The following KCNQ1 variants were observed in gnomAD, a reference collection of about 807,000 sequenced individuals.
KCNQ1 encodes potassium voltage-gated channel subfamily KQT member 1.
KCNQ1 carries 49 observed loss-of-function variants against 72.4 expected under a neutral mutation model. That is an observed-to-expected ratio of 0.68 (90% CI 0.54 to 0.86). The LOEUF (loss-of-function observed/expected upper bound fraction) is 0.86, where lower values mean the gene tolerates loss of function less well. KCNQ1 is among the 40% of genes least tolerant of loss of function. The pLI is 0.00. For missense variants in KCNQ1, 790 were observed against 945.1 expected (o/e 0.84, Z 2.15); for synonymous variants, 450 against 412.6 (o/e 1.09, Z -1.10).
intron 15 of KCNQ1, among the ~76,000 whole-genome samples, chr11:2,825,494 C>T (rs1847820225): frequency 6.6e-6 from 1 of 152,178 alleles, no homozygotes; most frequent in Admixed American, 6.5e-5. Flanking sequence ...GTCGTCCAGC[C>T]CTTGCTGCCA....
chr11:2,508,178 G>C lies in KCNQ1; in HGVS notation c.387-19750G>C, dbSNP rs1284634058. ...CCAGGGATGCTGCTGCTGAAGGTGA[G>C]GTTTGCAAACACTAGGCATGCATGT... On this transcript the variant is annotated intron_variant, in intron 1 of 15. Coordinates refer to ENST00000155840, the MANE Select transcript of KCNQ1 (RefSeq NM_000218.3). This position sits in a 1 kb window ranked among gnomAD's most constrained non-coding sequence, Gnocchi z 6.2. Among the ~76,000 whole-genome samples, 2 of 152,192 alleles carry C rather than the reference G, an allele frequency of 1.3e-5. No individual in the cohort carries two copies. The highest frequency in any genetic ancestry group is 3.9e-4 in the East Asian group (2 of 5,194).
At chr11:2,662,746 T>C in intron 11 of KCNQ1, 1 of 399,726 alleles carries the variant, frequency 2.5e-6, no homozygotes, top group Non-Finnish European at 4.4e-6. Flanking sequence ...CACAGTCCCA[T>C]TCTGGCTGCT....
At chr11:2,740,273 C>T (rs1428959869) in intron 11 of KCNQ1, among the ~76,000 whole-genome samples, 1 of 152,202 alleles carries the variant, frequency 6.6e-6, no homozygotes, top group African/African-American at 2.4e-5. Flanking sequence ...GGGCAACTAA[C>T]AAATTCAGCA....
chr11:2,688,440 G>A, intron 11 of KCNQ1: 1 of 398,780 alleles, frequency 2.5e-6, no homozygotes, highest in Non-Finnish European at 4.4e-6. Context: ...CCCTGCCTGT[G>A]CCATCACTAT....
rs1485412467 is a variant in KCNQ1, at chr11:2,536,072, G to A, written c.477+8054G>A. Among the ~76,000 whole-genome samples the A allele has an allele frequency of 6.6e-6, 1 of 152,186 alleles. No individual in the cohort carries two copies. ...GCCACATGCTCTGCCGAGCACACCCGCTGCTGTCCCCAGCCACCCAGCCCC... is the reference window on the plus strand; with the variant it reads ...GCCACATGCTCTGCCGAGCACACCCACTGCTGTCCCCAGCCACCCAGCCCC... On this transcript the variant is annotated intron_variant, in intron 2 of 15. Transcript: ENST00000155840. This position sits in a 1 kb window ranked among gnomAD's most constrained non-coding sequence, Gnocchi z 7.4.
intron 11 of KCNQ1, among the ~76,000 whole-genome samples, chr11:2,754,161 A>G (rs888805926): frequency 6.6e-6 from 1 of 152,238 alleles, no homozygotes; most frequent in African/African-American, 2.4e-5. Context: ...CAAAAAAGAC[A>G]ATAACAAGTG....
chr11:2,688,234 T>C (rs1332127131), intron 11 of KCNQ1: 1 of 398,652 alleles, frequency 2.5e-6, no homozygotes, highest in Non-Finnish European at 4.4e-6. Context: ...TAGCCACTCA[T>C]ACAGGGCTGT....
intron 15 of KCNQ1, among the ~76,000 whole-genome samples, chr11:2,843,156 G>A (rs1848248886): frequency 1.3e-5 from 2 of 152,228 alleles, no homozygotes; most frequent in Non-Finnish European, 2.9e-5. Flanking sequence ...AACCTCAGCA[G>A]CGAGAAACAC....
Position 2,550,802 on chromosome 11 carries a change from G to A in KCNQ1, c.478-19826G>A, listed in dbSNP as rs1217025383. Among the ~76,000 whole-genome samples the A allele has an allele frequency of 6.6e-6, 1 of 152,132 alleles. No homozygotes were observed. Among genetic ancestry groups the A allele is most frequent in the Non-Finnish European group, 1.5e-5 (1 of 68,020 alleles). Reference sequence around the variant, plus strand: ...GAGTCCCGAGTACAAGGCATGGACAGGAGCCAGGCTTCACCTAGCACCTGG... The same window carrying A: ...GAGTCCCGAGTACAAGGCATGGACAAGAGCCAGGCTTCACCTAGCACCTGG... On this transcript the variant is annotated intron_variant, in intron 2 of 15. Transcript: ENST00000155840. The surrounding 1 kb of genome is among the most constrained non-coding windows in gnomAD (Gnocchi z 6.0).
chr11:2,468,474 C>T lies in KCNQ1; in HGVS notation c.386+22990C>T, dbSNP rs1017072780. Reference sequence around the variant, plus strand: ...GCTTTACGGAGGCGTGCTTGGCATACGGTAAACTGCCCCAGTTTAAAGCAG... The same window carrying T: ...GCTTTACGGAGGCGTGCTTGGCATATGGTAAACTGCCCCAGTTTAAAGCAG... On this transcript the variant is annotated intron_variant, in intron 1 of 15. Transcript: ENST00000155840. The surrounding 1 kb of genome is among the most constrained non-coding windows in gnomAD (Gnocchi z 5.7). Among the ~76,000 whole-genome samples, 5 of 152,152 alleles carry T rather than the reference C, an allele frequency of 3.3e-5. No homozygotes were observed. Among genetic ancestry groups the T allele is most frequent in the Non-Finnish European group, 7.4e-5 (5 of 67,992 alleles).
Position 2,446,146 on chromosome 11 carries a change from C to T in KCNQ1, c.386+662C>T, listed in dbSNP as rs550378321. 3.3e-4 allele frequency among the ~76,000 whole-genome samples: 51 copies of T among 152,356 alleles called. No individual in the cohort carries two copies. The highest frequency in any genetic ancestry group is 1.2e-3 in the African/African-American group (50 of 41,586). On this transcript the variant is annotated intron_variant, in intron 1 of 15. Transcript: ENST00000155840. The surrounding 1 kb of genome is among the most constrained non-coding windows in gnomAD (Gnocchi z 8.8). ...CTCCCGGAGAAAGCAGCGCTGGTAG[C>T]AGAGGCACCTGGCCCCCCTGTTACC...
Position 2,473,029 on chromosome 11 carries a change from A to G in KCNQ1, c.386+27545A>G. On this transcript the variant is annotated intron_variant, in intron 1 of 15. Coordinates refer to ENST00000155840, the MANE Select transcript of KCNQ1 (RefSeq NM_000218.3). The surrounding 1 kb of genome is among the most constrained non-coding windows in gnomAD (Gnocchi z 6.0). ...ATGAAGGCCTCTGTCATTGGAGGAG[A>G]CTGTCCCATGTCCCTCCAGATCATG... is the stretch of plus-strand genomic sequence containing the variant. 6.6e-6 allele frequency among the ~76,000 whole-genome samples: 1 copy of G among 151,634 alleles called. No individual in the cohort carries two copies. Among genetic ancestry groups the G allele is most frequent in the Non-Finnish European group, 1.5e-5 (1 of 67,948 alleles).
chr11:2,571,538 T>C, intron 4 of KCNQ1, 135 bp downstream of exon 4: 1 of 750,072 alleles, frequency 1.3e-6, no homozygotes. Flanking sequence ...CCGGGGGCAC[T>C]GAGCCATGTG....
chr11:2,461,860 G>A (rs150799456), intron 1 of KCNQ1: 12 of 556,594 alleles, frequency 2.2e-5, no homozygotes, highest in Admixed American at 2.7e-5. Flanking sequence ...AGAAAGGGGT[G>A]GGTGGACGGA....
At chr11:2,675,016 C>CTT (rs1674855887) in intron 11 of KCNQ1, 1 of 398,516 alleles carries the variant, frequency 2.5e-6, no homozygotes, top group Non-Finnish European at 4.4e-6. Flanking sequence ...TCCCGCCTGA[C>CTT]TTCTCTGCCA....
chr11:2,554,574 C>T (rs994940379), intron 2 of KCNQ1, among the ~76,000 whole-genome samples: 3 of 152,186 alleles, frequency 2.0e-5, no homozygotes, highest in Non-Finnish European at 4.4e-5. Flanking sequence ...CTGGCCATCC[C>T]ACTGGGCACT....
Position 2,710,627 on chromosome 11 carries a change from TTTC to T in KCNQ1, c.1514+48547_1514+48549del, listed in dbSNP as rs1850986918. On this transcript the variant is annotated intron_variant, in intron 11 of 15. Coordinates refer to ENST00000155840, the MANE Select transcript of KCNQ1 (RefSeq NM_000218.3). This position sits in a 1 kb window ranked among gnomAD's most constrained non-coding sequence, Gnocchi z 4.1. The stretch of plus-strand genomic sequence containing the variant: ...TAGTTTTGGCTCTTACACTTAGGTC[TTTC>T]ATCCGCTTTCAGTTAGTTTAACATA... Among the ~76,000 whole-genome samples, 1 of 152,234 alleles carries T rather than the reference TTTC, an allele frequency of 6.6e-6. No individual in the cohort carries two copies. The highest frequency in any genetic ancestry group is 1.9e-4 in the East Asian group (1 of 5,200).
In KCNQ1 at chr11:2,749,641, C is replaced by CAAAAA. The variant is rs35701102; in HGVS notation, c.1515-19185_1515-19181dup. Among the ~76,000 whole-genome samples the CAAAAA allele has an allele frequency of 1.8e-4, 16 of 87,118 alleles. 2 individuals are homozygous for CAAAAA. Among genetic ancestry groups the CAAAAA allele is most frequent in the South Asian group, 4.2e-4 (1 of 2,398 alleles). The allele number at this position is 87,118 out of a possible 152,430, so 57.2% of individuals were successfully genotyped here. On this transcript the variant is annotated intron_variant, in intron 11 of 15. Transcript: ENST00000155840. ...CGAAACCCTGTCTCTACTAAAAATA[C>CAAAAA]AAAAAAAAAAAAAAAAAAAAAATTG...
chr11:2,546,926 CTTTTT>C (rs1472118272), intron 2 of KCNQ1, among the ~76,000 whole-genome samples: 4 of 152,144 alleles, frequency 2.6e-5, no homozygotes, highest in Admixed American at 2.0e-4. Context: ...CTGGCTTTTT[CTTTTT>C]ATCATTGTTA....
Sources: gnomAD v4.1 joint callset for allele counts (sites outside exome capture counted in the v4.1 genomes callset) on GRCh38, gnomAD v4.1.1 for gene constraint, Gnocchi (gnomAD v3.1) non-coding constraint, MANE v1.5 for transcripts, NCBI Gene and HGNC (gene_info 2026-07-23, HGNC 2026-07-21) for gene names.